Variants in UNC5C observed in about 807,000 individuals in gnomAD.
UNC5C encodes the protein unc-5 netrin receptor C.
Under a neutral mutation model 99.8 loss-of-function variants are expected in UNC5C, and 47 were observed. The ratio of observed to expected loss-of-function variants is 0.47; its 90% confidence interval spans 0.37 to 0.60. The LOEUF is 0.60. Ranked by LOEUF, UNC5C falls within the 20% of genes least tolerant of loss-of-function variation. UNC5C has a pLI of 0.00. For synonymous variants in UNC5C, 487 were observed against 452.2 expected, an observed-to-expected ratio of 1.08 and a Z score of -0.98; for missense variants, 1,062 against 1,165.9, an observed-to-expected ratio of 0.91 and a Z score of 1.30.
chr4:95,435,486 A>C (rs532032621), intron 1 of UNC5C, among the ~76,000 whole-genome samples: 2 of 152,202 alleles, frequency 1.3e-5, no homozygotes, highest in South Asian at 4.1e-4. Flanking sequence ...GCATGACACA[A>C]ATTTCCCATC....
chr4:95,268,949 T>G (rs183205867), intron 4 of UNC5C, among the ~76,000 whole-genome samples: 1 of 152,304 alleles, frequency 6.6e-6, no homozygotes, highest in Non-Finnish European at 1.5e-5. Flanking sequence ...AAAGCAATTA[T>G]GGGGCTATTA....
chr4:95,473,926 T>C lies in UNC5C; in HGVS notation c.124+74808A>G, dbSNP rs186113130. ...GATTTCAAGGTCCAAATCCCTGAGATAGATCACAGGGCCTTCTAACATTGG... is the reference window on the plus strand; with the variant it reads ...GATTTCAAGGTCCAAATCCCTGAGACAGATCACAGGGCCTTCTAACATTGG... On this transcript the variant is annotated intron_variant, in intron 1 of 15. Coordinates refer to ENST00000453304, the MANE Select transcript of UNC5C (RefSeq NM_003728.4). Among the ~76,000 whole-genome samples, 515 of 152,236 alleles carry C rather than the reference T, an allele frequency of 3.4e-3. 3 individuals are homozygous for C. Among genetic ancestry groups the C allele is most frequent in the Non-Finnish European group, 2.2e-3 (149 of 68,004 alleles).
intron 4 of UNC5C, among the ~76,000 whole-genome samples, chr4:95,267,400 T>A (rs1225566086): frequency 2.0e-5 from 3 of 152,136 alleles, no homozygotes; most frequent in Non-Finnish European, 2.9e-5. Flanking sequence ...AAGAAAAAAA[T>A]TTATAATCTG....
At chr4:95,223,993 AG>A (rs1476135314) in intron 7 of UNC5C, among the ~76,000 whole-genome samples, 1 of 152,202 alleles carries the variant, frequency 6.6e-6, no homozygotes, top group African/African-American at 2.4e-5. Flanking sequence ...GGTAAGAATC[AG>A]CCTGGCAGCC....
intron 1 of UNC5C, among the ~76,000 whole-genome samples, chr4:95,521,936 A>G (rs1426379342): frequency 2.0e-5 from 3 of 152,314 alleles, no homozygotes; most frequent in African/African-American, 7.2e-5. Context: ...GCAGTTACAA[A>G]TTGTGTAATT....
intron 2 of UNC5C, among the ~76,000 whole-genome samples, chr4:95,335,141 C>T (rs1579334849): frequency 6.6e-6 from 1 of 152,028 alleles, no homozygotes; most frequent in South Asian, 2.1e-4. Flanking sequence ...CATTGTCAGT[C>T]TATTCATTCG....
chr4:95,250,084 G>C (rs1201771670), intron 5 of UNC5C, among the ~76,000 whole-genome samples: 14 of 152,130 alleles, frequency 9.2e-5, no homozygotes, highest in Admixed American at 9.2e-4. Context: ...ACTCAGGTAG[G>C]CTTCCTTCGC....
rs1579192515 is a variant in UNC5C at position 95,170,082 on chromosome 4, T to C, written c.2630+72A>G. Reference sequence around the variant, plus strand: ...ATGGAAAAAAAAATGAAGCTAACCCTACGTCTAATAGTTATCGGTCCTGGA... The same window carrying C: ...ATGGAAAAAAAAATGAAGCTAACCCCACGTCTAATAGTTATCGGTCCTGGA... On this transcript the variant is annotated intron_variant, in intron 15 of 15. Transcript: ENST00000453304. The C allele has an allele frequency of 1.4e-5, 21 of 1,528,900 alleles. No individual in the cohort carries two copies. In the East Asian group the frequency reaches 4.8e-4, roughly 35 times the overall value. The allele number at this position is 1,528,900 out of a possible 1,614,324, so 94.7% of individuals were successfully genotyped here. A position where few individuals can be genotyped will look rare whatever the true frequency, so the allele number is the denominator to read the frequency against.
chr4:95,248,592 C>T, intron 5 of UNC5C: 1 of 453,202 alleles, frequency 2.2e-6, no homozygotes, highest in South Asian at 1.6e-5. Context: ...GCAGAGTGAT[C>T]TTGAGCCCGC....
At chr4:95,543,681 T>C (rs576081432) in intron 1 of UNC5C, among the ~76,000 whole-genome samples, 19 of 152,196 alleles carry the variant, frequency 1.2e-4, no homozygotes, top group Non-Finnish European at 2.2e-4. Flanking sequence ...GTGTACCTTT[T>C]TTCTGTAATA....
intron 12 of UNC5C, among the ~76,000 whole-genome samples, chr4:95,187,858 T>G (rs1285145551): frequency 6.8e-6 from 1 of 146,410 alleles, no homozygotes; most frequent in Non-Finnish European, 1.5e-5. Flanking sequence ...GGAACCTGAC[T>G]TTTTTCTCCC....
At chr4:95,529,116 A>G (rs1722571153) in intron 1 of UNC5C, among the ~76,000 whole-genome samples, 1 of 151,652 alleles carries the variant, frequency 6.6e-6, no homozygotes, top group Non-Finnish European at 1.5e-5. Flanking sequence ...TAAGTTTCTT[A>G]AAGGCAGGTA....
At chr4:95,507,585 A>C (rs769006635) in intron 1 of UNC5C, among the ~76,000 whole-genome samples, 11 of 152,074 alleles carry the variant, frequency 7.2e-5, no homozygotes, top group Non-Finnish European at 1.0e-4. Context: ...CCCATTCTCT[A>C]GCCTCAGCTC....
At chr4:95,476,704 T>G (rs1748160220) in intron 1 of UNC5C, among the ~76,000 whole-genome samples, 1 of 152,112 alleles carries the variant, frequency 6.6e-6, no homozygotes, top group African/African-American at 2.4e-5. Context: ...TAATAAAATT[T>G]ATAGTTGTTT....
intron 1 of UNC5C, among the ~76,000 whole-genome samples, chr4:95,400,384 C>A (rs199861843): frequency 1.5e-5 from 1 of 65,792 alleles, no homozygotes; most frequent in Non-Finnish European, 2.8e-5. Context: ...GAGATGAATT[C>A]TTTTTTTTTT....
At chr4:95,248,340 G>A (rs557762466) in intron 5 of UNC5C, 5 of 277,594 alleles carry the variant, frequency 1.8e-5, no homozygotes, top group South Asian at 1.6e-4. Flanking sequence ...TGCAGTTATA[G>A]TTGAATGCTT....
At chr4:95,546,344 A>C (rs1434556270) in intron 1 of UNC5C, among the ~76,000 whole-genome samples, 4 of 152,214 alleles carry the variant, frequency 2.6e-5, no homozygotes, top group Admixed American at 2.6e-4. Context: ...CTGCAAGGAA[A>C]GTGTTAACGG....
At chr4:95,265,044 G>A (rs1211081954) in intron 4 of UNC5C, among the ~76,000 whole-genome samples, 3 of 151,992 alleles carry the variant, frequency 2.0e-5, no homozygotes, top group Non-Finnish European at 2.9e-5. Flanking sequence ...TGATGCCTGG[G>A]GCCCCACCTT....
intron 14 of UNC5C, among the ~76,000 whole-genome samples, chr4:95,176,823 G>A (rs983661115): frequency 3.9e-5 from 6 of 152,218 alleles, no homozygotes; most frequent in African/African-American, 1.2e-4. Flanking sequence ...GGGCAATGGC[G>A]GGGGCCCCTC....
Sources: allele counts gnomAD v4.1 joint callset (sites outside exome capture counted in the v4.1 genomes callset), GRCh38; gene constraint gnomAD v4.1.1; transcripts MANE v1.5; gene names NCBI Gene and HGNC (gene_info 2026-07-23, HGNC 2026-07-21).